The following PPP4R3B variants were observed in gnomAD, a reference collection of about 807,000 sequenced individuals.
PPP4R3B encodes the protein serine/threonine-protein phosphatase 4 regulatory subunit 3B.
Under a neutral mutation model 95.4 loss-of-function variants are expected in PPP4R3B, and 52 were observed. The observed-to-expected ratio is 0.54, with a 90% CI of 0.44 to 0.69. The LOEUF (loss-of-function observed/expected upper bound fraction) is 0.69, where lower values mean the gene tolerates loss of function less well. Ranked by LOEUF, PPP4R3B falls within the 30% of genes least tolerant of loss-of-function variation. The probability of loss-of-function intolerance (pLI) is 0.00; values close to 1 mark genes in which losing one functional copy is unlikely to be tolerated. For missense variants in PPP4R3B, 1,003 were observed against 1,005.9 expected, an observed-to-expected ratio of 1.00 and a Z score of 0.04; for synonymous variants, 407 against 343.9, an observed-to-expected ratio of 1.18 and a Z score of -2.03.
intron 7 of PPP4R3B, among the ~76,000 whole-genome samples, chr2:55,583,254 T>G (rs977777701): frequency 2.0e-5 from 3 of 152,136 alleles, no homozygotes; most frequent in Non-Finnish European, 2.9e-5. Context: ...TTTTTGGTAA[T>G]TAATTTATCT....
In PPP4R3B at chr2:55,548,874, T is replaced by C. The variant is rs2103704764; in HGVS notation, c.*1037A>G. 6.5e-6 allele frequency: 1 copy of C among 152,812 alleles called. No homozygotes were observed. The highest frequency in any genetic ancestry group is 1.9e-4 in the East Asian group (1 of 5,190). 9.5% of individuals were successfully genotyped at this position (152,812 alleles called of 1,614,324 possible). A position where few individuals can be genotyped will look rare whatever the true frequency, so the allele number is the denominator to read the frequency against. ...CACTTACGTATATGGAATGTGCTTT[T>C]ACTCTTCTTAAAAAAGCAGCTTTCA... On this transcript the variant is annotated 3_prime_UTR_variant, in exon 17 of 17. Transcript: ENST00000616407.
chr2:55,613,696 A>G (rs1694508483), intron 2 of PPP4R3B, among the ~76,000 whole-genome samples: 1 of 152,146 alleles, frequency 6.6e-6, no homozygotes, highest in South Asian at 2.1e-4. Flanking sequence ...CTTATATACA[A>G]TCTGAGAAGA....
At chr2:55,575,863 A>G (rs1461794624) in intron 11 of PPP4R3B, among the ~76,000 whole-genome samples, 1 of 152,256 alleles carries the variant, frequency 6.6e-6, no homozygotes, top group Non-Finnish European at 1.5e-5. Flanking sequence ...TTGGGGAACT[A>G]CAATGCTATT....
At chr2:55,582,401 G>A (rs1689565008) in intron 7 of PPP4R3B, among the ~76,000 whole-genome samples, 1 of 152,090 alleles carries the variant, frequency 6.6e-6, no homozygotes. Context: ...TTAAAGGCAT[G>A]AGCCACCATG....
chr2:55,560,643 G>A (rs914697218), intron 15 of PPP4R3B, among the ~76,000 whole-genome samples: 1 of 151,950 alleles, frequency 6.6e-6, no homozygotes, highest in East Asian at 1.9e-4. Flanking sequence ...TGGGCGTGGT[G>A]GCACACACCT....
At chr2:55,605,493 G>A (rs1474662091) in intron 2 of PPP4R3B, among the ~76,000 whole-genome samples, 4 of 152,136 alleles carry the variant, frequency 2.6e-5, no homozygotes, top group African/African-American at 9.7e-5. Flanking sequence ...CTTATTTTCT[G>A]TGTAATCAGG....
intron 15 of PPP4R3B, among the ~76,000 whole-genome samples, chr2:55,560,096 T>G (rs571595672): frequency 6.6e-6 from 1 of 152,086 alleles, no homozygotes; most frequent in Admixed American, 6.5e-5. Context: ...CCCACCAGCA[T>G]GGATGACAGA....
At chr2:55,584,925 A>G (rs4312532) in intron 7 of PPP4R3B, 126 bp downstream of exon 7, 341,145 of 763,470 alleles carry the variant, frequency 0.45, 79,224 homozygotes, top group African/African-American at 0.65. Flanking sequence ...AAGTCACAAC[A>G]AGTCAGAAAT....
At chr2:55,589,906 A>C (rs1690730502) in intron 4 of PPP4R3B, among the ~76,000 whole-genome samples, 1 of 135,136 alleles carries the variant, frequency 7.4e-6, no homozygotes, top group East Asian at 2.0e-4. Flanking sequence ...AAAGAGCGAG[A>C]CTCCATCTCA....
At chr2:55,576,538 C>T (rs1196562897) in intron 11 of PPP4R3B, among the ~76,000 whole-genome samples, 16 of 151,904 alleles carry the variant, frequency 1.1e-4, no homozygotes, top group East Asian at 1.9e-4. Context: ...GTCAGGAGAT[C>T]GAGACCACCC....
At chr2:55,551,935 T>C (rs1685298808) in intron 16 of PPP4R3B, among the ~76,000 whole-genome samples, 1 of 152,184 alleles carries the variant, frequency 6.6e-6, no homozygotes, top group African/African-American at 2.4e-5. Flanking sequence ...AATTCTGGTA[T>C]AAAAAGGCAC....
intron 4 of PPP4R3B, among the ~76,000 whole-genome samples, 165 bp from the exon 5 acceptor site, chr2:55,589,121 T>C (rs940033487): frequency 1.3e-5 from 2 of 152,238 alleles, no homozygotes; most frequent in African/African-American, 2.4e-5. Context: ...AAAATTTGAC[T>C]ACACCATTCA....
chr2:55,560,780 A>G (rs1473559578), intron 15 of PPP4R3B, among the ~76,000 whole-genome samples: 3 of 3,698 alleles, frequency 8.1e-4, no homozygotes, highest in East Asian at 1.9e-3. Context: ...CCATCTCAGA[A>G]AAAAAAAAAA....
chr2:55,605,955 A>C (rs1031478191), intron 2 of PPP4R3B, among the ~76,000 whole-genome samples: 1 of 151,810 alleles, frequency 6.6e-6, no homozygotes, highest in Non-Finnish European at 1.5e-5. Context: ...ATCATCCACA[A>C]AAGTTTTCAA....
intron 11 of PPP4R3B, among the ~76,000 whole-genome samples, chr2:55,576,624 C>T (rs769946072): frequency 6.6e-6 from 1 of 151,914 alleles, no homozygotes; most frequent in Non-Finnish European, 1.5e-5. Context: ...ATCGCTTGAA[C>T]TCAGGAGGCG....
chr2:55,578,354 T>C lies in PPP4R3B; in HGVS notation c.1469-12A>G. The stretch of plus-strand genomic sequence containing the variant: ...TTTTAAAAAAAAATCTGAAAAAAAA[T>C]ATGGCAAGTTAGTTTTGATAAAGCC... On this transcript the variant is annotated splice_polypyrimidine_tract_variant and intron_variant, in intron 9 of 16. Coordinates refer to ENST00000616407, the MANE Select transcript of PPP4R3B (RefSeq NM_001122964.3). The C allele has an allele frequency of 7.4e-7, 1 of 1,360,190 alleles. No individual in the cohort carries two copies. The highest frequency in any genetic ancestry group is 9.5e-7 in the Non-Finnish European group (1 of 1,050,204). 84.3% of individuals were successfully genotyped at this position (1,360,190 alleles called of 1,614,324 possible). A position where few individuals can be genotyped will look rare whatever the true frequency, so the allele number is the denominator to read the frequency against.
intron 7 of PPP4R3B, among the ~76,000 whole-genome samples, chr2:55,584,751 TCCTA>T (rs1689911451): frequency 6.6e-6 from 1 of 152,226 alleles, no homozygotes; most frequent in Non-Finnish European, 1.5e-5. Context: ...CCTGTAGATC[TCCTA>T]AGGCTTGAAA....
At chr2:55,564,566 AATATGTATAACCAAG>A in intron 14 of PPP4R3B, 69 bp from the exon 15 acceptor site, 1 of 1,353,156 alleles carries the variant, frequency 7.4e-7, no homozygotes, top group Non-Finnish European at 1.0e-6. Context: ...CTGAAGGAAA[AATATGTATAACCAAG>A]ATGAACTGAA....
rs1442814891 is a variant in PPP4R3B, at chr2:55,547,704, G to C, written c.*2207C>G. 1 of 152,158 alleles carries C rather than the reference G, an allele frequency of 6.6e-6. No homozygotes were observed. Among genetic ancestry groups the C allele is most frequent in the Non-Finnish European group, 1.5e-5 (1 of 68,034 alleles). The allele number at this position is 152,158 out of a possible 1,614,324, so 9.4% of individuals were successfully genotyped here. A position where few individuals can be genotyped will look rare whatever the true frequency, so the allele number is the denominator to read the frequency against. On this transcript the variant is annotated 3_prime_UTR_variant, in exon 17 of 17. Coordinates refer to ENST00000616407, the MANE Select transcript of PPP4R3B (RefSeq NM_001122964.3). ...ATAGGGAGGCTGAGGCGGGTGGATT[G>C]TGAGGTCAGGAGTTTAAGACCAGCC...
Sources: allele counts gnomAD v4.1 joint callset (sites outside exome capture counted in the v4.1 genomes callset), GRCh38; gene constraint gnomAD v4.1.1; transcripts MANE v1.5; gene names NCBI Gene and HGNC (gene_info 2026-07-23, HGNC 2026-07-21).